Variants in LRCH2 observed in about 807,000 individuals in gnomAD.
LRCH2 encodes the protein leucine rich repeats and calponin homology domain containing 2.
LRCH2 carries 38 observed loss-of-function variants against 68.9 expected under a neutral mutation model. That is an observed-to-expected ratio of 0.55 (90% CI 0.43 to 0.72). LRCH2 has a LOEUF of 0.72. LRCH2 is among the 30% of genes least tolerant of loss of function. LRCH2 has a pLI of 0.00. For synonymous variants in LRCH2, 191 were observed against 208.1 expected, an observed-to-expected ratio of 0.92 and a Z score of 0.71; for missense variants, 528 against 572.9, an observed-to-expected ratio of 0.92 and a Z score of 0.80.
At chrX:115,139,686 G>C (rs140989048) in intron 14 of LRCH2, among the ~76,000 whole-genome samples, 1 of 110,972 alleles carries the variant, frequency 9.0e-6, no homozygotes, top group Admixed American at 9.6e-5. Context: ...TGTATACTTG[G>C]GGGAGGGAGA....
Position 115,156,507 on chromosome X carries a change from CTTAT to C in LRCH2, c.1529+91_1529+94del, listed in dbSNP as rs781930325. 16 of 471,326 alleles carry C rather than the reference CTTAT, an allele frequency of 3.4e-5. No homozygotes were observed. The East Asian group carries it at 6.8e-4, about 20-fold the overall frequency. The allele number at this position is 471,326 out of a possible 1,213,427, so 38.8% of individuals were successfully genotyped here. On this transcript the variant is annotated intron_variant, in intron 12 of 20. Transcript: ENST00000317135. ...ATCTAGTTATATTAAATCTGTATCA[CTTAT>C]TTAATTAAAGCCTATATACAAAAAC... is the stretch of plus-strand genomic sequence containing the variant.
intron 14 of LRCH2, among the ~76,000 whole-genome samples, chrX:115,136,423 T>C (rs975656494): frequency 1.8e-5 from 2 of 112,067 alleles, no homozygotes; most frequent in Non-Finnish European, 3.8e-5. Flanking sequence ...TAATACTGAA[T>C]ACAATGTAAA....
intron 1 of LRCH2, among the ~76,000 whole-genome samples, chrX:115,202,071 T>C (rs1377426351): frequency 8.9e-6 from 1 of 112,117 alleles, no homozygotes; most frequent in Non-Finnish European, 1.9e-5. Context: ...AAAATGACCA[T>C]ACTGCCCAAA....
At chrX:115,198,937 T>C (rs1269206557) in intron 1 of LRCH2, among the ~76,000 whole-genome samples, 1 of 110,580 alleles carries the variant, frequency 9.0e-6, no homozygotes, top group Non-Finnish European at 1.9e-5. Flanking sequence ...AATGCTGAAA[T>C]AAAAAAAACC....
In LRCH2 at chrX:115,233,774, A is replaced by T. The variant is rs1556579230; in HGVS notation, c.268T>A (p.Ser90Thr). The change falls in exon 1 of 21, where the codon TCC (serine) becomes ACC (threonine). Residue 90 changes from serine (S) to threonine (T), a missense_variant. Physicochemically the swap from Ser to Thr is moderately conservative, Grantham distance 58. Transcript: ENST00000317135. ...LDRALEEAGS[S>T]GILSLSGRKL... ...CGACCACTGAGGCTCAGGATGCCGG[A>T]GCTGCCCGCCTCTTCCAGGGCCCGG... 2.5e-6 allele frequency: 3 copies of T among 1,176,837 alleles called. No homozygotes were observed. The South Asian group carries it at 5.6e-5, about 22-fold the overall frequency.
chrX:115,189,876 G>A (rs1556556536), intron 1 of LRCH2: 17 of 1,163,512 alleles, frequency 1.5e-5, no homozygotes, highest in African/African-American at 7.1e-5. Flanking sequence ...ACAGGGCCCC[G>A]ATGCCCAGGA....
At chrX:115,124,586 T>C (rs1271086625) in intron 16 of LRCH2, among the ~76,000 whole-genome samples, 3 of 112,301 alleles carry the variant, frequency 2.7e-5, no homozygotes, top group African/African-American at 6.5e-5. Flanking sequence ...GCACAACATA[T>C]AATTTCTCTG....
At chrX:115,135,696 C>T (rs1231701558) in intron 14 of LRCH2, among the ~76,000 whole-genome samples, 1 of 111,453 alleles carries the variant, frequency 9.0e-6, no homozygotes, top group African/African-American at 3.3e-5. Context: ...TGCTATCTAA[C>T]AGCATCGCAT....
intron 14 of LRCH2, among the ~76,000 whole-genome samples, chrX:115,147,299 A>G (rs2072393527): frequency 9.0e-6 from 1 of 111,675 alleles, no homozygotes; most frequent in Admixed American, 9.6e-5. Flanking sequence ...AAATAGTGAC[A>G]ATTCTGAATA....
At position 115,112,050 on chromosome X, in the gene LRCH2, C is replaced by A. The variant is rs1569510925; in HGVS notation, c.*1166G>T. On this transcript the variant is annotated 3_prime_UTR_variant, in exon 21 of 21. Coordinates refer to ENST00000317135, the MANE Select transcript of LRCH2 (RefSeq NM_020871.4). ...GTTAAAACAAGGACTTTGTGTAACACAGTATCTCATGAAAATATTTATAGA... is the reference window on the plus strand; with the variant it reads ...GTTAAAACAAGGACTTTGTGTAACAAAGTATCTCATGAAAATATTTATAGA... 2 of 111,964 alleles carry A rather than the reference C, an allele frequency of 1.8e-5. No homozygotes were observed. The highest frequency in any genetic ancestry group is 6.5e-5 in the African/African-American group (2 of 30,863). The allele number at this position is 111,964 out of a possible 1,213,427, so 9.2% of individuals were successfully genotyped here. A position where few individuals can be genotyped will look rare whatever the true frequency, so the allele number is the denominator to read the frequency against.
chrX:115,151,376 T>C (rs1006404491), intron 12 of LRCH2, among the ~76,000 whole-genome samples: 1 of 109,123 alleles, frequency 9.2e-6, no homozygotes, highest in African/African-American at 3.3e-5. Flanking sequence ...ACGTGTAAAA[T>C]ATACACTGAA....
chrX:115,193,365 A>C (rs1194806530), intron 1 of LRCH2, among the ~76,000 whole-genome samples: 1 of 111,559 alleles, frequency 9.0e-6, no homozygotes, highest in African/African-American at 3.3e-5. Context: ...AGGCACCTCA[A>C]ATTCTACAAA....
chrX:115,147,989 G>A (rs2072401344), intron 14 of LRCH2, among the ~76,000 whole-genome samples: 1 of 111,352 alleles, frequency 9.0e-6, no homozygotes, highest in African/African-American at 3.3e-5. Context: ...AGGATGGCCT[G>A]AGCCCAGGCA....
At chrX:115,168,402 C>A (rs143975793) in intron 6 of LRCH2, among the ~76,000 whole-genome samples, 1 of 111,229 alleles carries the variant, frequency 9.0e-6, no homozygotes, top group Non-Finnish European at 1.9e-5. Context: ...CATTCCAAAT[C>A]GAGACACACT....
intron 3 of LRCH2, among the ~76,000 whole-genome samples, chrX:115,182,375 T>G (rs1269294969): frequency 1.8e-5 from 2 of 111,998 alleles, no homozygotes; most frequent in Non-Finnish European, 1.9e-5. Flanking sequence ...CCTTTTATTA[T>G]GAACTTGTTA....
intron 1 of LRCH2, among the ~76,000 whole-genome samples, chrX:115,231,501 T>C (rs1357398011): frequency 9.0e-6 from 1 of 111,474 alleles, no homozygotes; most frequent in African/African-American, 3.3e-5. Context: ...CCCAAAGATA[T>C]CTAATTTAAA....
intron 1 of LRCH2, chrX:115,198,710 C>A: frequency 7.2e-6 from 1 of 137,964 alleles, no homozygotes. Context: ...TGAGCAATGT[C>A]CTGGCCATCA....
rs782762752 is a variant in LRCH2, at chrX:115,191,261, C to G, written c.350-2891G>C. The G allele has an allele frequency of 1.7e-6, 2 of 1,153,975 alleles. No homozygotes were observed. ...CTCGATGCCAACAGTGGAGGCCGCT[C>G]GCCCAATGCCTACAGCGGGGGCCAC... On this transcript the variant is annotated intron_variant, in intron 1 of 20. Transcript: ENST00000317135.
In LRCH2 at chrX:115,165,420, A is replaced by G; in HGVS notation, c.1340T>C (p.Leu447Ser). The change falls in exon 10 of 21, where the codon TTA becomes TCA. Residue 447 changes from leucine (L) to serine (S), a missense_variant. Physicochemically the swap from Leu to Ser is moderately radical, Grantham distance 145. Coordinates refer to ENST00000317135, the MANE Select transcript of LRCH2 (RefSeq NM_020871.4). ...ATGTGCTTACCTTTTTTCATCTCCT[A>G]ATTCTTCATTTTTCCGAGATTTTTC... ...CSEKSRKNEE[L>S]GDEKRLEKEQ... 3 of 1,128,816 alleles carry G rather than the reference A, an allele frequency of 2.7e-6. No homozygotes were observed. The highest frequency in any genetic ancestry group is 3.6e-6 in the Non-Finnish European group (3 of 842,958). The allele number at this position is 1,128,816 out of a possible 1,213,427, so 93.0% of individuals were successfully genotyped here.
Sources: gnomAD v4.1 joint callset for allele counts (sites outside exome capture counted in the v4.1 genomes callset) on GRCh38, gnomAD v4.1.1 for gene constraint, MANE v1.5 for transcripts, NCBI Gene and HGNC (gene_info 2026-07-23, HGNC 2026-07-21) for gene names.